GRID2: variants seen among roughly 807,000 people sequenced by gnomAD.
The protein encoded by GRID2 is glutamate ionotropic receptor delta type subunit 2.
A neutral mutation model predicts 114.8 loss-of-function variants in GRID2; 33 were observed. The ratio of observed to expected loss-of-function variants is 0.29; its 90% CI spans 0.22 to 0.38. GRID2 has a LOEUF of 0.38. GRID2 is among the 10% of genes least tolerant of loss of function. GRID2 has a pLI of 1.00. For missense variants in GRID2, 1,184 were observed against 1,257.7 expected, an observed-to-expected ratio of 0.94 and a Z score of 0.89; for synonymous variants, 505 against 449.9, an observed-to-expected ratio of 1.12 and a Z score of -1.55.
At chr4:92,527,057 C>G (rs562367910) in intron 1 of GRID2, among the ~76,000 whole-genome samples, 1 of 151,358 alleles carries the variant, frequency 6.6e-6, no homozygotes, top group African/African-American at 2.4e-5. Context: ...GATGAGGATA[C>G]GTTTGACTGA....
chr4:93,051,568 A>G lies in GRID2; in HGVS notation c.245-33427A>G, dbSNP rs1314312341. 2.6e-5 allele frequency among the ~76,000 whole-genome samples: 4 copies of G among 152,044 alleles called. No homozygotes were observed. The East Asian group carries it at 7.7e-4, about 29-fold the overall frequency. On this transcript the variant is annotated intron_variant, in intron 2 of 15. Transcript: ENST00000282020. ...CTGAGAAAAAACATAAGCATTGAAA[A>G]GTTCGGTAACTTGTCTGAGATCGCT...
At chr4:93,686,591 A>G (rs79857195) in intron 14 of GRID2, among the ~76,000 whole-genome samples, 6,258 of 152,130 alleles carry the variant, frequency 0.041, 197 homozygotes, top group African/African-American at 0.081. Flanking sequence ...ACAAGGTAGA[A>G]AGTTGTGGAT....
chr4:93,308,036 G>A (rs926049414), intron 8 of GRID2, among the ~76,000 whole-genome samples: 17 of 151,886 alleles, frequency 1.1e-4, no homozygotes, highest in Non-Finnish European at 1.9e-4. Flanking sequence ...TCTATGTACT[G>A]CCAATGAATA....
chr4:92,657,412 T>G (rs1280566156), intron 2 of GRID2, among the ~76,000 whole-genome samples: 1 of 151,724 alleles, frequency 6.6e-6, no homozygotes, highest in African/African-American at 2.4e-5. Context: ...TCATTATTTT[T>G]CTGTTACACC....
chr4:92,974,880 G>A (rs1009428350), intron 2 of GRID2, among the ~76,000 whole-genome samples: 8 of 151,716 alleles, frequency 5.3e-5, no homozygotes, highest in Admixed American at 1.3e-4. Context: ...TTAACAGGCC[G>A]GGAGCGGCGG....
intron 5 of GRID2, among the ~76,000 whole-genome samples, chr4:93,215,191 G>A (rs1744053685): frequency 6.7e-6 from 1 of 150,196 alleles, no homozygotes; most frequent in African/African-American, 2.4e-5. Context: ...GCTGCTGTTT[G>A]ATAAAATGTT....
intron 8 of GRID2, among the ~76,000 whole-genome samples, chr4:93,271,017 G>A (rs1340652067): frequency 1.3e-5 from 2 of 152,060 alleles, no homozygotes; most frequent in Non-Finnish European, 2.9e-5. Flanking sequence ...GATTGACTAA[G>A]TGCTTTTATA....
rs565162617 is a variant in GRID2 at position 93,438,064 on chromosome 4, A to C, written c.1545+15096A>C. ...TAAGGTTATGTTTACTTTGTATGCC[A>C]AGCACACAGCAGAATGCCCTAAATT... On this transcript the variant is annotated intron_variant, in intron 10 of 15. Transcript: ENST00000282020. 2.0e-5 allele frequency among the ~76,000 whole-genome samples: 3 copies of C among 152,218 alleles called. No individual in the cohort carries two copies. In the South Asian group the frequency reaches 6.2e-4, roughly 32 times the overall value.
intron 2 of GRID2, among the ~76,000 whole-genome samples, chr4:92,773,541 C>A (rs1560583917): frequency 6.6e-6 from 1 of 152,020 alleles, no homozygotes; most frequent in Non-Finnish European, 1.5e-5. Flanking sequence ...CTATGAAAGT[C>A]TTTCTACCTT....
At chr4:93,551,886 T>G (rs1038781865) in intron 13 of GRID2, among the ~76,000 whole-genome samples, 39 of 152,208 alleles carry the variant, frequency 2.6e-4, no homozygotes, top group African/African-American at 8.7e-4. Context: ...TGTTTTTTAA[T>G]TTTTTTATTA....
intron 2 of GRID2, among the ~76,000 whole-genome samples, chr4:92,846,225 C>T (rs908270362): frequency 2.0e-5 from 3 of 151,986 alleles, no homozygotes; most frequent in Admixed American, 6.6e-5. Context: ...CATGGTATAT[C>T]GTGTGATGCT....
intron 2 of GRID2, among the ~76,000 whole-genome samples, chr4:92,648,338 A>C (rs999894524): frequency 2.7e-5 from 4 of 149,744 alleles, no homozygotes; most frequent in African/African-American, 5.0e-5. Flanking sequence ...CAGCAGTATA[A>C]GCCTCCTCAT....
chr4:93,750,983 A>C (rs1732275609), intron 14 of GRID2, among the ~76,000 whole-genome samples: 2 of 152,218 alleles, frequency 1.3e-5, no homozygotes, highest in Non-Finnish European at 2.9e-5. Context: ...CATGTTTTAC[A>C]GGGATAACTA....
At chr4:92,983,116 T>A (rs1010634060) in intron 2 of GRID2, among the ~76,000 whole-genome samples, 2 of 152,022 alleles carry the variant, frequency 1.3e-5, no homozygotes, top group Non-Finnish European at 1.5e-5. Flanking sequence ...TGGGAGTGGA[T>A]GGAGAAGAGT....
chr4:92,974,386 A>G (rs918343940), intron 2 of GRID2, among the ~76,000 whole-genome samples: 2 of 152,144 alleles, frequency 1.3e-5, no homozygotes, highest in African/African-American at 2.4e-5. Flanking sequence ...ACACATGTAC[A>G]TGTATCTTTA....
At chr4:93,276,888 T>G (rs1488171218) in intron 8 of GRID2, among the ~76,000 whole-genome samples, 2 of 151,938 alleles carry the variant, frequency 1.3e-5, no homozygotes, top group African/African-American at 4.8e-5. Flanking sequence ...TTAAAGCTTA[T>G]AATAATTTCT....
intron 2 of GRID2, among the ~76,000 whole-genome samples, chr4:93,054,194 ACAAG>A (rs1726999429): frequency 6.6e-6 from 1 of 151,954 alleles, no homozygotes; most frequent in Admixed American, 6.6e-5. Context: ...AATGAAACAA[ACAAG>A]CAAAGTATGG....
At chr4:92,737,590 CCTT>C (rs1401712833) in intron 2 of GRID2, among the ~76,000 whole-genome samples, 2 of 152,088 alleles carry the variant, frequency 1.3e-5, no homozygotes, top group East Asian at 1.9e-4. Flanking sequence ...GTTTATATCA[CCTT>C]CTATTTACCA....
intron 13 of GRID2, among the ~76,000 whole-genome samples, chr4:93,538,370 A>T (rs1165627124): frequency 1.3e-5 from 2 of 151,822 alleles, no homozygotes. Flanking sequence ...CTCTAAATAT[A>T]CAAGTTCATA....
Sources: gnomAD v4.1 joint callset for allele counts (sites outside exome capture counted in the v4.1 genomes callset) on GRCh38, gnomAD v4.1.1 for gene constraint, MANE v1.5 for transcripts, NCBI Gene and HGNC (gene_info 2026-07-23, HGNC 2026-07-21) for gene names.